INPP5D: variants seen among roughly 807,000 people sequenced by gnomAD.
The protein encoded by INPP5D is phosphatidylinositol 3,4,5-trisphosphate 5-phosphatase 1.
Under a neutral mutation model 122.9 loss-of-function variants are expected in INPP5D, and 33 were observed. The ratio of observed to expected loss-of-function variants is 0.27; its 90% confidence interval spans 0.20 to 0.36. The LOEUF (loss-of-function observed/expected upper bound fraction) is 0.36, where lower values mean the gene tolerates loss of function less well. Among genes scored for constraint, INPP5D ranks in the 10% least tolerant of loss-of-function variants. The pLI is 1.00. For missense variants in INPP5D, 1,053 were observed against 1,412.7 expected, an observed-to-expected ratio of 0.75 and a Z score of 4.08; for synonymous variants, 584 against 576.2, an observed-to-expected ratio of 1.01 and a Z score of -0.19.
intron 1 of INPP5D, among the ~76,000 whole-genome samples, chr2:233,062,941 T>C (rs1409055168): frequency 6.6e-6 from 1 of 151,708 alleles, no homozygotes; most frequent in Non-Finnish European, 1.5e-5. Flanking sequence ...CCTCATTTCT[T>C]GAAAGAAAGC....
chr2:233,161,566 G>A (rs183735189), intron 10 of INPP5D, among the ~76,000 whole-genome samples, 158 bp from the exon 11 acceptor site: 159 of 152,292 alleles, frequency 1.0e-3, no homozygotes, highest in African/African-American at 3.4e-3. Context: ...GAAGCCACTC[G>A]CTTATGACTT....
rs996126143 is a variant in INPP5D at position 233,188,296 on chromosome 2, T to A, written c.2359-1554T>A. Among the ~76,000 whole-genome samples the A allele has an allele frequency of 6.6e-6, 1 of 152,064 alleles. No homozygotes were observed. Among genetic ancestry groups the A allele is most frequent in the Non-Finnish European group, 1.5e-5 (1 of 68,002 alleles). On this transcript the variant is annotated intron_variant, in intron 21 of 26. Transcript: ENST00000445964. The surrounding 1 kb of genome is among the most constrained non-coding windows in gnomAD (Gnocchi z 4.7). The stretch of plus-strand genomic sequence containing the variant: ...CTCTGTTCACCCTGTAAATCCCTGC[T>A]GTGGCCCCCTAGATAGTTCTCCTCC...
chr2:233,110,074 T>G (rs867678264), intron 2 of INPP5D, among the ~76,000 whole-genome samples: 26 of 147,412 alleles, frequency 1.8e-4, no homozygotes, highest in South Asian at 1.1e-3. Flanking sequence ...TTTTTTGAGA[T>G]AGAGTCTCAC....
chr2:233,113,039 T>C (rs1019826702), intron 2 of INPP5D, among the ~76,000 whole-genome samples: 2 of 152,150 alleles, frequency 1.3e-5, no homozygotes, highest in African/African-American at 4.8e-5. Context: ...CCATGGGACC[T>C]TTCTCCTTTC....
chr2:233,195,216 G>GA (rs138305144), intron 23 of INPP5D, among the ~76,000 whole-genome samples, 183 bp from the exon 24 acceptor site: 14,215 of 152,186 alleles, frequency 0.093, 667 homozygotes, highest in South Asian at 0.14. Context: ...TGGATCCACT[G>GA]CAGGCATAAC....
intron 6 of INPP5D, among the ~76,000 whole-genome samples, chr2:233,143,909 T>C (rs1244138837): frequency 6.7e-6 from 1 of 150,014 alleles, no homozygotes; most frequent in Non-Finnish European, 1.5e-5. Context: ...GAGGTGGTCA[T>C]GGTCAGGGTA....
chr2:233,176,104 A>G (rs1559335451), intron 17 of INPP5D, among the ~76,000 whole-genome samples: 2 of 152,246 alleles, frequency 1.3e-5, no homozygotes, highest in Non-Finnish European at 2.9e-5. Context: ...CAGAGAAGAA[A>G]GAGCTAGAAC....
intron 9 of INPP5D, among the ~76,000 whole-genome samples, chr2:233,154,632 A>G (rs1694000430): frequency 6.6e-6 from 1 of 152,238 alleles, no homozygotes; most frequent in Admixed American, 6.5e-5. Context: ...TCATTGAAAG[A>G]TATAAGTGAT....
chr2:233,109,349 T>A (rs1490376409), intron 2 of INPP5D, among the ~76,000 whole-genome samples: 3 of 152,228 alleles, frequency 2.0e-5, no homozygotes, highest in Non-Finnish European at 4.4e-5. Flanking sequence ...TGTCCTGGGC[T>A]GCTGCAGTCA....
At chr2:233,192,916 G>GT (rs1695089522) in intron 22 of INPP5D, among the ~76,000 whole-genome samples, 1 of 152,158 alleles carries the variant, frequency 6.6e-6, no homozygotes, top group Non-Finnish European at 1.5e-5. Context: ...GGGTGGTTTT[G>GT]TTTTTTGTTT....
chr2:233,146,792 G>A (rs371452221), intron 8 of INPP5D, among the ~76,000 whole-genome samples: 7,218 of 148,662 alleles, frequency 0.049, 581 homozygotes, highest in African/African-American at 0.17. Context: ...AAAAAAAATC[G>A]TGCGATTCCT....
intron 10 of INPP5D, among the ~76,000 whole-genome samples, 199 bp from the exon 11 acceptor site, chr2:233,161,525 G>C (rs28605534): frequency 0.35 from 52,510 of 152,126 alleles, 11,234 homozygotes; most frequent in Non-Finnish European, 0.48. Flanking sequence ...CTTTGTTAAA[G>C]TCGCACCTTT....
chr2:233,080,553 C>T (rs1008564093), intron 2 of INPP5D, among the ~76,000 whole-genome samples: 7 of 151,606 alleles, frequency 4.6e-5, no homozygotes, highest in South Asian at 4.2e-4. Context: ...TAGCCGGGGT[C>T]GACAAAGGTT....
intron 8 of INPP5D, among the ~76,000 whole-genome samples, 173 bp from the exon 9 acceptor site, chr2:233,147,298 G>A (rs1693789561): frequency 6.6e-6 from 1 of 152,204 alleles, no homozygotes; most frequent in South Asian, 2.1e-4. Context: ...TGATTCCCGG[G>A]AGACGCCTGT....
intron 9 of INPP5D, among the ~76,000 whole-genome samples, chr2:233,157,155 G>T (rs1694076206): frequency 6.6e-6 from 1 of 152,176 alleles, no homozygotes; most frequent in African/African-American, 2.4e-5. Flanking sequence ...TCCTTTCTTG[G>T]AAAGCCACTA....
At chr2:233,137,676 G>A (rs1693502936) in intron 5 of INPP5D, among the ~76,000 whole-genome samples, 1 of 148,394 alleles carries the variant, frequency 6.7e-6, no homozygotes, top group African/African-American at 2.5e-5. Context: ...GGTTGGTCTT[G>A]AACTCCTGAC....
intron 2 of INPP5D, among the ~76,000 whole-genome samples, chr2:233,117,363 C>T (rs1266047830): frequency 1.3e-5 from 2 of 152,200 alleles, no homozygotes; most frequent in Non-Finnish European, 2.9e-5. Flanking sequence ...CCTTCACGTG[C>T]TGAGCATCTT....
chr2:233,130,213 T>G (rs1693281280), intron 4 of INPP5D, among the ~76,000 whole-genome samples: 1 of 152,086 alleles, frequency 6.6e-6, no homozygotes, highest in African/African-American at 2.4e-5. Flanking sequence ...CTTTTTAAAG[T>G]ATAACCATTT....
rs1247130717 is a variant in INPP5D, at chr2:233,183,015, T to G, written c.2161+516T>G. 6.6e-6 allele frequency among the ~76,000 whole-genome samples: 1 copy of G among 152,046 alleles called. No homozygotes were observed. On this transcript the variant is annotated intron_variant, in intron 19 of 26. Coordinates refer to ENST00000445964, the MANE Select transcript of INPP5D (RefSeq NM_001017915.3). The surrounding 1 kb of genome is among the most constrained non-coding windows in gnomAD (Gnocchi z 4.6). ...AGCACAGGTGCGTGGTAGGCAGAGATGGTAAAAATCGTTAAGATGGGATGC... is the reference window on the plus strand; with the variant it reads ...AGCACAGGTGCGTGGTAGGCAGAGAGGGTAAAAATCGTTAAGATGGGATGC...
Sources: allele counts gnomAD v4.1 joint callset (sites outside exome capture counted in the v4.1 genomes callset), GRCh38; gene constraint gnomAD v4.1.1; non-coding constraint Gnocchi (gnomAD v3.1); transcripts MANE v1.5; gene names NCBI Gene and HGNC (gene_info 2026-07-23, HGNC 2026-07-21).